ZBTB7C: variants seen among roughly 807,000 people sequenced by gnomAD.
ZBTB7C encodes zinc finger and BTB domain-containing protein 7C.
In ZBTB7C, 8 loss-of-function variants were observed where a neutral mutation model predicts 25.7. That is an observed-to-expected ratio of 0.31 (90% confidence interval 0.18 to 0.56). ZBTB7C has a LOEUF of 0.56. Ranked by LOEUF, ZBTB7C falls within the 20% of genes least tolerant of loss-of-function variation. The pLI, the probability that ZBTB7C is intolerant of heterozygous loss-of-function variation, is 0.91. For missense variants in ZBTB7C, 824 were observed against 855.2 expected (o/e 0.96, Z 0.46); for synonymous variants, 394 against 369.0 (o/e 1.07, Z -0.78).
chr18:48,396,404 A>G (rs1053291987), intron 1 of ZBTB7C, among the ~76,000 whole-genome samples: 1 of 152,214 alleles, frequency 6.6e-6, no homozygotes, highest in Non-Finnish European at 1.5e-5. Flanking sequence ...AAGCCAAGAC[A>G]AGAAGCCTGA....
chr18:48,168,315 A>G (rs1369902304), intron 3 of ZBTB7C, among the ~76,000 whole-genome samples: 1 of 152,236 alleles, frequency 6.6e-6, no homozygotes, highest in Non-Finnish European at 1.5e-5. Context: ...AAACTGGCAA[A>G]TTTTTGTTAG....
chr18:48,055,559 C>T (rs2036882632), intron 3 of ZBTB7C, among the ~76,000 whole-genome samples: 1 of 152,030 alleles, frequency 6.6e-6, no homozygotes, highest in Admixed American at 6.6e-5. Flanking sequence ...CAATGCATCA[C>T]AAGTGCCCGC....
At chr18:48,108,815 C>T (rs1230034945) in intron 3 of ZBTB7C, among the ~76,000 whole-genome samples, 2 of 152,144 alleles carry the variant, frequency 1.3e-5, no homozygotes, top group African/African-American at 2.4e-5. Context: ...TTAGGACCTC[C>T]ACCTCTTCTG....
At chr18:48,330,448 C>T (rs1160222114) in intron 2 of ZBTB7C, among the ~76,000 whole-genome samples, 2 of 152,104 alleles carry the variant, frequency 1.3e-5, no homozygotes, top group Admixed American at 6.5e-5. Flanking sequence ...CCCAAGAAAC[C>T]GGGCCAGCTT....
At chr18:48,396,979 A>G (rs763646867) in intron 1 of ZBTB7C, among the ~76,000 whole-genome samples, 1 of 152,232 alleles carries the variant, frequency 6.6e-6, no homozygotes, top group African/African-American at 2.4e-5. Flanking sequence ...TTACATTTTT[A>G]CAACAGTGCT....
chr18:48,046,660 C>A (rs1030886091), intron 3 of ZBTB7C, among the ~76,000 whole-genome samples: 1 of 152,214 alleles, frequency 6.6e-6, no homozygotes, highest in South Asian at 2.1e-4. Flanking sequence ...TGGTGATCAG[C>A]GTCCCACTGT....
chr18:48,388,106 C>T (rs147690176), intron 1 of ZBTB7C, among the ~76,000 whole-genome samples: 50 of 152,246 alleles, frequency 3.3e-4, no homozygotes, highest in Non-Finnish European at 4.7e-4. Flanking sequence ...GGATTACAGG[C>T]GTTAGCCACT....
chr18:48,186,870 A>G (rs1365768312), intron 2 of ZBTB7C, among the ~76,000 whole-genome samples: 1 of 152,138 alleles, frequency 6.6e-6, no homozygotes, highest in Non-Finnish European at 1.5e-5. Context: ...GAAGGTGGGG[A>G]AATAACTTAC....
chr18:48,231,071 G>A (rs2043239530), intron 2 of ZBTB7C, among the ~76,000 whole-genome samples: 1 of 152,190 alleles, frequency 6.6e-6, no homozygotes, highest in Admixed American at 6.5e-5. Context: ...CTTGGTGCAG[G>A]CTTGCAGGCA....
intron 3 of ZBTB7C, among the ~76,000 whole-genome samples, chr18:48,059,706 A>G (rs1444877858): frequency 6.6e-6 from 1 of 152,170 alleles, no homozygotes; most frequent in African/African-American, 2.4e-5. Context: ...AGCTTTCCTG[A>G]CACTTAATTC....
At chr18:48,342,204 G>A (rs2144979241) in intron 1 of ZBTB7C, among the ~76,000 whole-genome samples, 1 of 152,330 alleles carries the variant, frequency 6.6e-6, no homozygotes, top group South Asian at 2.1e-4. Flanking sequence ...CTGCATAAAG[G>A]GATTGTGTTT....
chr18:48,062,267 A>G (rs568360721), intron 3 of ZBTB7C, among the ~76,000 whole-genome samples: 3 of 152,312 alleles, frequency 2.0e-5, no homozygotes, highest in Admixed American at 6.5e-5. Context: ...GGTGAGGGGA[A>G]CACCTTTAAG....
chr18:48,334,583 G>A (rs559028422), intron 2 of ZBTB7C, among the ~76,000 whole-genome samples: 3 of 152,262 alleles, frequency 2.0e-5, no homozygotes, highest in South Asian at 2.1e-4. Flanking sequence ...GAAGGCAGGC[G>A]CTATTTAACT....
At chr18:48,201,688 G>A (rs2042452862) in intron 2 of ZBTB7C, among the ~76,000 whole-genome samples, 1 of 152,042 alleles carries the variant, frequency 6.6e-6, no homozygotes, top group Admixed American at 6.6e-5. Flanking sequence ...AATTTGTTAT[G>A]AAATATTTCA....
At chr18:48,254,024 T>C (rs1048225269) in intron 2 of ZBTB7C, among the ~76,000 whole-genome samples, 2 of 152,226 alleles carry the variant, frequency 1.3e-5, no homozygotes, top group African/African-American at 4.8e-5. Context: ...GTGAATCTCA[T>C]GAGAATACAG....
At chr18:48,312,488 G>A (rs1312812248) in intron 2 of ZBTB7C, among the ~76,000 whole-genome samples, 2 of 152,224 alleles carry the variant, frequency 1.3e-5, no homozygotes, top group Non-Finnish European at 2.9e-5. Flanking sequence ...ATTTCTAAGA[G>A]GCAGTAAAGG....
chr18:48,041,385 A>G (rs1404522760), intron 3 of ZBTB7C: 1 of 985,338 alleles, frequency 1.0e-6, no homozygotes, highest in Non-Finnish European at 1.2e-6. Context: ...CAAAGGCTGC[A>G]AGCCTTCTCT....
In ZBTB7C at chr18:48,028,033, G is replaced by A. The variant is rs1020730983; in HGVS notation, c.*1227C>T. On this transcript the variant is annotated 3_prime_UTR_variant, in exon 5 of 5. Transcript: ENST00000590800. ...CCCACTTCATCCCCAGAGGGAGGAG[G>A]AAGGGGTTGAGGGGGTTCTCACACA... is the stretch of plus-strand genomic sequence containing the variant. 6.6e-6 allele frequency: 1 copy of A among 152,272 alleles called. No homozygotes were observed. Among genetic ancestry groups the A allele is most frequent in the South Asian group, 2.1e-4 (1 of 4,832 alleles). The allele number at this position is 152,272 out of a possible 1,614,324, so 9.4% of individuals were successfully genotyped here. A position where few individuals can be genotyped will look rare whatever the true frequency, so the allele number is the denominator to read the frequency against.
At chr18:48,300,607 C>G (rs901332457) in intron 2 of ZBTB7C, among the ~76,000 whole-genome samples, 5 of 152,124 alleles carry the variant, frequency 3.3e-5, no homozygotes, top group Admixed American at 1.3e-4. Context: ...GGGGCGGGGC[C>G]AGGAGGAGGT....
Sources: gnomAD v4.1 joint callset for allele counts (sites outside exome capture counted in the v4.1 genomes callset) on GRCh38, gnomAD v4.1.1 for gene constraint, MANE v1.5 for transcripts, NCBI Gene and HGNC (gene_info 2026-07-23, HGNC 2026-07-21) for gene names.